The following BRD4 variants were observed in gnomAD, a reference collection of about 807,000 sequenced individuals.
BRD4 encodes the protein bromodomain containing 4.
BRD4 carries 16 observed loss-of-function variants against 142.1 expected under a neutral mutation model. The ratio of observed to expected loss-of-function variants is 0.11; its 90% CI spans 0.08 to 0.17. The LOEUF (loss-of-function observed/expected upper bound fraction) is 0.17. Ranked by LOEUF, BRD4 falls within the 10% of genes least tolerant of loss-of-function variation. The pLI, the probability that BRD4 is intolerant of heterozygous loss-of-function variation, is 1.00. For synonymous variants in BRD4, 833 were observed against 707.5 expected, an observed-to-expected ratio of 1.18 and a Z score of -2.82; for missense variants, 1,424 against 1,810.9, an observed-to-expected ratio of 0.79 and a Z score of 3.88.
chr19:15,290,936 G>T (rs774879845), intron 1 of BRD4, among the ~76,000 whole-genome samples: 4 of 152,048 alleles, frequency 2.6e-5, no homozygotes, highest in Non-Finnish European at 5.9e-5. Flanking sequence ...AAAAAGAAAA[G>T]AAAAAACTCT....
At chr19:15,316,080 C>T (rs536510866) in intron 1 of BRD4, among the ~76,000 whole-genome samples, 2 of 136,502 alleles carry the variant, frequency 1.5e-5, no homozygotes, top group East Asian at 2.2e-4. Flanking sequence ...GGCGTGAACC[C>T]GGGAGGCAGA....
At chr19:15,326,438 C>A (rs2048108932) in intron 1 of BRD4, among the ~76,000 whole-genome samples, 1 of 151,898 alleles carries the variant, frequency 6.6e-6, no homozygotes, top group South Asian at 2.1e-4. Context: ...GGTGACAGAG[C>A]AAAGACTTCA....
chr19:15,238,208 G>A lies in BRD4; in HGVS notation c.*169C>T, dbSNP rs1157740886. On this transcript the variant is annotated 3_prime_UTR_variant, in exon 20 of 20. Coordinates refer to ENST00000679869, the MANE Select transcript of BRD4 (RefSeq NM_001379291.1). This position sits in a 1 kb window ranked among gnomAD's most constrained non-coding sequence, Gnocchi z 7.2. Reference sequence around the variant, plus strand: ...TGTCCGACTGGCCGTAAGGCAGACAGGCTCTGCAATCCTCAGCTGCCCGTC... The same window carrying A: ...TGTCCGACTGGCCGTAAGGCAGACAAGCTCTGCAATCCTCAGCTGCCCGTC... 1 of 1,091,066 alleles carries A rather than the reference G, an allele frequency of 9.2e-7. No homozygotes were observed. The highest frequency in any genetic ancestry group is 1.3e-6 in the Non-Finnish European group (1 of 772,728). The allele number at this position is 1,091,066 out of a possible 1,614,324, so 67.6% of individuals were successfully genotyped here.
At chr19:15,259,104 G>A (rs1289613409) in intron 7 of BRD4, among the ~76,000 whole-genome samples, 2 of 151,998 alleles carry the variant, frequency 1.3e-5, no homozygotes, top group Admixed American at 1.3e-4. Context: ...TGGCAGGTGG[G>A]TAGTGCCCTG....
chr19:15,272,983 G>A lies in BRD4; in HGVS notation c.117C>T (p.Asn39=), dbSNP rs56036027. 2,807 of 1,614,210 alleles carry A rather than the reference G, an allele frequency of 1.7e-3. 10 individuals are homozygous for A. The highest frequency in any genetic ancestry group is 2.2e-3 in the Non-Finnish European group (2,544 of 1,180,032). Residue 39 remains asparagine (N), a synonymous_variant, in exon 2 of 20, where the codon AAC becomes AAT. Coordinates refer to ENST00000679869, the MANE Select transcript of BRD4 (RefSeq NM_001379291.1). ...GGGGCGGGGGGTTGGTGCTGGCTGC[G>A]TTGGCTGGCTGGGGTTGGGCCTGGG... ...TQAQAQPQPA[N]AASTNPPPPE... is the part of the protein sequence containing the mutation.
chr19:15,247,206 G>A (rs1349661835), intron 11 of BRD4: 5 of 227,396 alleles, frequency 2.2e-5, no homozygotes, highest in Non-Finnish European at 4.4e-5. Context: ...CTCCAGTGAA[G>A]GAGGTAATGG....
In BRD4 at chr19:15,265,764, G is replaced by C. The variant is rs1037360684; in HGVS notation, c.560-121C>G. The C allele has an allele frequency of 8.2e-6, 9 of 1,093,214 alleles. No homozygotes were observed. In the South Asian group the frequency reaches 1.1e-4, roughly 13 times the overall value. The allele number at this position is 1,093,214 out of a possible 1,614,324, so 67.7% of individuals were successfully genotyped here. On this transcript the variant is annotated intron_variant, in intron 4 of 19. Transcript: ENST00000679869. ...ATTCGCGTGTTGCATTTGCCTGAGA[G>C]ACGAACATCCCAGACTCCACTCTGC...
In BRD4 at chr19:15,239,623, G is replaced by C. The variant is rs1055671896; in HGVS notation, c.3445+36C>G. 1.9e-6 allele frequency: 3 copies of C among 1,559,570 alleles called. No individual in the cohort carries two copies. In the East Asian group the frequency reaches 6.7e-5, roughly 35 times the overall value. On this transcript the variant is annotated intron_variant, in intron 16 of 19. Coordinates refer to ENST00000679869, the MANE Select transcript of BRD4 (RefSeq NM_001379291.1). The surrounding 1 kb of genome is among the most constrained non-coding windows in gnomAD (Gnocchi z 7.4). The stretch of plus-strand genomic sequence containing the variant: ...TTATGTCCAACACGGGCCTCGGGGG[G>C]CCTGAGCCCTGGCTGTGGGCAGGGA...
At chr19:15,255,123 T>G (rs1005392573) in intron 10 of BRD4, among the ~76,000 whole-genome samples, 174 bp downstream of exon 10, 1 of 150,454 alleles carries the variant, frequency 6.6e-6, no homozygotes, top group Admixed American at 6.6e-5. Context: ...ACTGACAGCC[T>G]AGGGGTGAGT....
intron 1 of BRD4, among the ~76,000 whole-genome samples, chr19:15,278,730 C>T (rs183822987): frequency 6.6e-6 from 1 of 151,850 alleles, no homozygotes; most frequent in East Asian, 1.9e-4. Flanking sequence ...ACAGAAAAAA[C>T]TGAGACGTTT....
At chr19:15,241,531 C>T (rs983269037) in intron 14 of BRD4, among the ~76,000 whole-genome samples, 1 of 152,246 alleles carries the variant, frequency 6.6e-6, no homozygotes, top group African/African-American at 2.4e-5. Context: ...ATGCCCCATC[C>T]TAGCCTGCTG....
chr19:15,255,156 G>A (rs1568383506), intron 10 of BRD4, 141 bp downstream of exon 10: 2 of 837,714 alleles, frequency 2.4e-6, no homozygotes, highest in African/African-American at 1.8e-5. Flanking sequence ...CCTTTCGGAG[G>A]TTTCTGTGTC....
At chr19:15,318,644 T>A (rs1281211345) in intron 1 of BRD4, among the ~76,000 whole-genome samples, 1 of 152,208 alleles carries the variant, frequency 6.6e-6, no homozygotes, top group African/African-American at 2.4e-5. Flanking sequence ...ATAAATCTTG[T>A]AAGCCTACCC....
chr19:15,315,841 G>C (rs552945437), intron 1 of BRD4, among the ~76,000 whole-genome samples: 2 of 150,994 alleles, frequency 1.3e-5, no homozygotes, highest in South Asian at 4.2e-4. Context: ...GGGTGACTCT[G>C]TCTCAAAAAA....
At chr19:15,256,372 T>C (rs2047408942) in intron 8 of BRD4, 109 bp from the exon 9 acceptor site, 2 of 1,395,378 alleles carry the variant, frequency 1.4e-6, no homozygotes, top group Non-Finnish European at 1.9e-6. Flanking sequence ...ACCTGGGGCA[T>C]CAGGGTGTGG....
At position 15,257,069 on chromosome 19, in the gene BRD4, C is replaced by T. The variant is rs750121394; in HGVS notation, c.1446G>A (p.Pro482=). 8.7e-6 allele frequency: 14 copies of T among 1,604,332 alleles called. No homozygotes were observed. In the East Asian group the frequency reaches 9.0e-5, roughly 10 times the overall value. The part of the protein sequence containing the change: ...AVPPPTKVVA[P]PSSSDSSSDS... ...CGCTGCTGCTGTCGCTGGATGAGGG[C>T]GGGGCCACAACCTTGGTGGGAGGGG... Residue 482 remains proline (P), a synonymous_variant, in exon 8 of 20, where the codon CCG becomes CCA. Coordinates refer to ENST00000679869, the MANE Select transcript of BRD4 (RefSeq NM_001379291.1).
chr19:15,292,344 C>A (rs2047788238), intron 1 of BRD4, among the ~76,000 whole-genome samples: 1 of 152,178 alleles, frequency 6.6e-6, no homozygotes. Flanking sequence ...TATCTACACC[C>A]CAAAGGGTCT....
chr19:15,266,623 G>A (rs1001342773), intron 4 of BRD4, among the ~76,000 whole-genome samples: 5 of 152,192 alleles, frequency 3.3e-5, no homozygotes, highest in Non-Finnish European at 7.3e-5. Context: ...AGAGCCACAG[G>A]GTGACACGTG....
intron 11 of BRD4, chr19:15,247,604 C>T (rs1407588374): frequency 2.6e-5 from 6 of 232,888 alleles, no homozygotes; most frequent in Admixed American, 2.3e-4. Flanking sequence ...GCAGGCCCGA[C>T]ACTGGTAATC....
Sources: allele counts gnomAD v4.1 joint callset (sites outside exome capture counted in the v4.1 genomes callset), GRCh38; gene constraint gnomAD v4.1.1; non-coding constraint Gnocchi (gnomAD v3.1); transcripts MANE v1.5; gene names NCBI Gene and HGNC (gene_info 2026-07-23, HGNC 2026-07-21).